Variants in KLHL1 observed in about 807,000 individuals in gnomAD.
The protein encoded by KLHL1 is kelch-like protein 1.
KLHL1 carries 47 observed loss-of-function variants against 77.7 expected under a neutral mutation model. The observed-to-expected ratio is 0.60, with a 90% CI of 0.48 to 0.77. The LOEUF (loss-of-function observed/expected upper bound fraction) is 0.77, where lower values mean the gene tolerates loss of function less well. Among genes scored for constraint, KLHL1 ranks in the 30% least tolerant of loss-of-function variants. The probability of loss-of-function intolerance (pLI) is 0.00; values close to 1 mark genes in which losing one functional copy is unlikely to be tolerated. For synonymous variants in KLHL1, 360 were observed against 325.2 expected, an observed-to-expected ratio of 1.11 and a Z score of -1.15; for missense variants, 925 against 910.8, an observed-to-expected ratio of 1.02 and a Z score of -0.20.
Position 70,066,165 on chromosome 13 carries a change from T to G in KLHL1, c.497+41038A>C, listed in dbSNP as rs187376490. Among the ~76,000 whole-genome samples, 399 of 152,344 alleles carry G rather than the reference T, an allele frequency of 2.6e-3. 8 individuals are homozygous for G. The highest frequency in any genetic ancestry group is 1.6e-3 in the Non-Finnish European group (106 of 68,020). ...GTGGTTTACCAGCTGTGCTTTTTAC[T>G]GTCTGCACTGTGAATTTACACTCAT... On this transcript the variant is annotated intron_variant, in intron 1 of 10. Coordinates refer to ENST00000377844, the MANE Select transcript of KLHL1 (RefSeq NM_020866.3).
At chr13:69,855,916 TATAAC>T (rs1879899490) in intron 5 of KLHL1, among the ~76,000 whole-genome samples, 1 of 115,334 alleles carries the variant, frequency 8.7e-6, no homozygotes, top group African/African-American at 3.1e-5. Flanking sequence ...TATTATATGT[TATAAC>T]ATATTAATAT....
At chr13:69,994,339 A>G (rs2137317108) in intron 1 of KLHL1, among the ~76,000 whole-genome samples, 1 of 152,234 alleles carries the variant, frequency 6.6e-6, no homozygotes, top group Non-Finnish European at 1.5e-5. Context: ...TCTTTCCTTA[A>G]GCCTTCTTTG....
chr13:69,728,667 G>A (rs147284489), intron 8 of KLHL1, among the ~76,000 whole-genome samples: 299 of 140,416 alleles, frequency 2.1e-3, no homozygotes, highest in African/African-American at 7.7e-3. Flanking sequence ...AAAAAGCAAA[G>A]TGTGGTGACG....
intron 1 of KLHL1, among the ~76,000 whole-genome samples, chr13:70,012,367 C>T (rs9317864): frequency 0.32 from 48,398 of 151,794 alleles, 9,108 homozygotes; most frequent in South Asian, 0.44. Context: ...ATATTTTTCA[C>T]TTTTAATTTT....
intron 4 of KLHL1, among the ~76,000 whole-genome samples, chr13:69,913,235 G>C (rs772883318): frequency 1.3e-5 from 2 of 152,062 alleles, no homozygotes; most frequent in Non-Finnish European, 2.9e-5. Context: ...TACCCACCAG[G>C]GCTTAGGGCA....
intron 4 of KLHL1, among the ~76,000 whole-genome samples, chr13:69,915,598 T>C (rs1882402434): frequency 1.3e-5 from 2 of 152,134 alleles, no homozygotes; most frequent in Admixed American, 6.5e-5. Flanking sequence ...TAATTCAAGA[T>C]GGATTAAAGA....
chr13:69,875,541 A>G (rs1880731915), intron 5 of KLHL1, among the ~76,000 whole-genome samples: 1 of 152,130 alleles, frequency 6.6e-6, no homozygotes, highest in African/African-American at 2.4e-5. Context: ...TATGTTCCAA[A>G]TTCTTCTCTA....
rs564231921 is a variant in KLHL1 at position 70,038,646 on chromosome 13, A to G, written c.498-62844T>C. Among the ~76,000 whole-genome samples the G allele has an allele frequency of 4.0e-5, 5 of 124,092 alleles. No homozygotes were observed. The South Asian group carries it at 1.4e-3, about 36-fold the overall frequency. 81.4% of individuals were successfully genotyped at this position (124,092 alleles called of 152,430 possible). On this transcript the variant is annotated intron_variant, in intron 1 of 10. Transcript: ENST00000377844. ...TCTTGTCGCTCAGGGTGGAGTGTGC[A>G]ATGATGCGATCTCAGCTCACTGTAA...
chr13:69,935,261 C>CCCA lies in KLHL1; in HGVS notation c.1014+4778_1014+4779insTGG, dbSNP rs1191842195. Among the ~76,000 whole-genome samples, 98 of 150,884 alleles carry CCCA rather than the reference C, an allele frequency of 6.5e-4. 2 individuals are homozygous for CCCA. In the South Asian group the frequency reaches 0.017, roughly 26 times the overall value. On this transcript the variant is annotated intron_variant, in intron 4 of 10. Transcript: ENST00000377844. ...ACTGGTGAACTTGGTACATAGTTCA[C>CCCA]CTACTGGTGAACTTGGTACATAGCA... is the stretch of plus-strand genomic sequence containing the variant.
intron 4 of KLHL1, among the ~76,000 whole-genome samples, chr13:69,915,742 T>C (rs1882408797): frequency 6.6e-6 from 1 of 151,866 alleles, no homozygotes; most frequent in South Asian, 2.1e-4. Context: ...AATTGACAAA[T>C]GGGATCTAAT....
chr13:69,894,887 C>A, intron 4 of KLHL1: 1 of 318,764 alleles, frequency 3.1e-6, no homozygotes, highest in South Asian at 3.4e-5. Context: ...ACTAGCACCT[C>A]TATCATGGCA....
intron 5 of KLHL1, among the ~76,000 whole-genome samples, chr13:69,879,088 C>G (rs1486262752): frequency 6.6e-6 from 1 of 152,098 alleles, no homozygotes; most frequent in Non-Finnish European, 1.5e-5. Flanking sequence ...ACATCACACA[C>G]CAGGGCCTGT....
At chr13:69,821,871 G>A (rs1426712390) in intron 6 of KLHL1, among the ~76,000 whole-genome samples, 1 of 151,880 alleles carries the variant, frequency 6.6e-6, no homozygotes, top group African/African-American at 2.4e-5. Flanking sequence ...CTAAACCATG[G>A]CAGGGATTTT....
chr13:69,927,199 C>T (rs1267555632), intron 4 of KLHL1, among the ~76,000 whole-genome samples: 1 of 151,944 alleles, frequency 6.6e-6, no homozygotes, highest in Non-Finnish European at 1.5e-5. Flanking sequence ...TACATGTGTA[C>T]ACATGATACA....
chr13:69,807,276 T>G (rs117922685), intron 6 of KLHL1, among the ~76,000 whole-genome samples: 12 of 152,136 alleles, frequency 7.9e-5, no homozygotes, highest in African/African-American at 2.4e-4. Flanking sequence ...AGGCTCAAGA[T>G]ACTATTTTGA....
chr13:69,824,030 G>A (rs1166626745), intron 6 of KLHL1, among the ~76,000 whole-genome samples: 1 of 151,828 alleles, frequency 6.6e-6, no homozygotes, highest in East Asian at 1.9e-4. Flanking sequence ...AATAGTCTAC[G>A]AGAGTATGTT....
intron 1 of KLHL1, among the ~76,000 whole-genome samples, chr13:70,060,257 G>A (rs1886845762): frequency 6.6e-6 from 1 of 152,132 alleles, no homozygotes; most frequent in South Asian, 2.1e-4. Context: ...CCAAAATACA[G>A]GTAATAACAA....
rs567138204 is a variant in KLHL1, at chr13:69,738,417, C to G, written c.1802+1977G>C. On this transcript the variant is annotated intron_variant, in intron 8 of 10. Coordinates refer to ENST00000377844, the MANE Select transcript of KLHL1 (RefSeq NM_020866.3). ...GCTGAAATGGACGAATTGAGAGAAGCAGGCTTCAGAAGATGGGTAACAACA... is the reference window on the plus strand; with the variant it reads ...GCTGAAATGGACGAATTGAGAGAAGGAGGCTTCAGAAGATGGGTAACAACA... 2.0e-5 allele frequency among the ~76,000 whole-genome samples: 3 copies of G among 152,216 alleles called. No individual in the cohort carries two copies. In the South Asian group the frequency reaches 6.2e-4, roughly 32 times the overall value.
chr13:69,974,689 G>A (rs1884490793), intron 2 of KLHL1, among the ~76,000 whole-genome samples: 2 of 151,936 alleles, frequency 1.3e-5, no homozygotes, highest in Non-Finnish European at 2.9e-5. Context: ...GTTAAATGAA[G>A]TCAATTTAAT....
Sources: gnomAD v4.1 joint callset for allele counts (sites outside exome capture counted in the v4.1 genomes callset) on GRCh38, gnomAD v4.1.1 for gene constraint, MANE v1.5 for transcripts, NCBI Gene and HGNC (gene_info 2026-07-23, HGNC 2026-07-21) for gene names.